The following C10orf120 variants were observed in gnomAD, a reference collection of about 807,000 sequenced individuals.
C10orf120 encodes the protein chromosome 10 open reading frame 120.
A neutral mutation model predicts 10.8 loss-of-function variants in C10orf120; 15 were observed. That is an observed-to-expected ratio of 1.39 (90% CI 0.93 to 2.14). The LOEUF (loss-of-function observed/expected upper bound fraction) is 2.14, where lower values mean the gene tolerates loss of function less well. Among genes scored for constraint, C10orf120 ranks in the 30% most tolerant of loss-of-function variants. C10orf120 has a pLI of 0.00. For missense variants in C10orf120, 447 were observed against 411.3 expected, an observed-to-expected ratio of 1.09 and a Z score of -0.75; for synonymous variants, 141 against 138.9, an observed-to-expected ratio of 1.02 and a Z score of -0.11.
intron 1 of C10orf120, 93 bp downstream of exon 1, chr10:122,699,522 C>T (rs1845831488): frequency 3.5e-6 from 5 of 1,440,918 alleles, no homozygotes; most frequent in Non-Finnish European, 1.9e-6. Flanking sequence ...CAGGCTGAGG[C>T]CGCCATGAGC....
chr10:122,698,819 C>A (rs1406292000), intron 2 of C10orf120, among the ~76,000 whole-genome samples: 1 of 152,192 alleles, frequency 6.6e-6, no homozygotes, highest in South Asian at 2.1e-4. Context: ...GTAAGTGGGA[C>A]GTGTCAATAA....
At chr10:122,698,755 C>T (rs1845822979) in intron 2 of C10orf120, among the ~76,000 whole-genome samples, 1 of 152,134 alleles carries the variant, frequency 6.6e-6, no homozygotes, top group Non-Finnish European at 1.5e-5. Context: ...GTGACCAGTG[C>T]AAGGTAGGAG....
In C10orf120 at chr10:122,699,335, A is replaced by G; in HGVS notation, c.252+2T>C. ...TCCGTGTGAAAACTGCGGGACACTT[A>G]CTAGGATCTCTTTTTCCAAGGGGGA... On this transcript the variant is annotated splice_donor_variant, in intron 2 of 2. Transcript: ENST00000329446. LOFTEE classifies it high-confidence loss of function. The G allele has an allele frequency of 1.2e-6, 2 of 1,609,748 alleles. No homozygotes were observed. Among genetic ancestry groups the G allele is most frequent in the Non-Finnish European group, 8.5e-7 (1 of 1,176,334 alleles).
chr10:122,699,616 G>T lies in C10orf120; in HGVS notation c.175C>A (p.Arg59=), dbSNP rs76198528. Residue 59 remains arginine (R), a splice_region_variant and synonymous_variant, in exon 1 of 3, where the codon CGG becomes AGG. Coordinates refer to ENST00000329446, the MANE Select transcript of C10orf120 (RefSeq NM_001010912.4). ...GACTAAAGTGCAAGTCAGACTCACC[G>T]CAACGGTGAAGCAGAACTCAGATCC... ...QEDLSSASPL[R]IWSKFYRSDP... is the part of the protein sequence containing the mutation. 1.9e-6 allele frequency: 3 copies of T among 1,604,644 alleles called. No homozygotes were observed. Among genetic ancestry groups the T allele is most frequent in the South Asian group, 1.1e-5 (1 of 89,010 alleles).
Position 122,699,467 on chromosome 10 carries a change from C to T in C10orf120, c.177-55G>A. ...TTCTGGAAAGGCTCTTCCTACTTTT[C>T]CCTCCTGGAGTGGGAAGGCTCATAA... is the stretch of plus-strand genomic sequence containing the variant. On this transcript the variant is annotated intron_variant, in intron 1 of 2. Transcript: ENST00000329446. 2.0e-6 allele frequency: 3 copies of T among 1,525,022 alleles called. No individual in the cohort carries two copies. In the South Asian group the frequency reaches 3.4e-5, roughly 17 times the overall value. The allele number at this position is 1,525,022 out of a possible 1,614,324, so 94.5% of individuals were successfully genotyped here. A position where few individuals can be genotyped will look rare whatever the true frequency, so the allele number is the denominator to read the frequency against.
At chr10:122,699,438 A>G in intron 1 of C10orf120, 26 bp from the exon 2 acceptor site, 1 of 1,585,112 alleles carries the variant, frequency 6.3e-7, no homozygotes, top group Non-Finnish European at 8.7e-7. Context: ...CAGGAATATC[A>G]GAATTCTGGA....
intron 2 of C10orf120, among the ~76,000 whole-genome samples, 197 bp downstream of exon 2, chr10:122,699,140 C>CAAAAA (rs67633673): frequency 0.052 from 1,145 of 21,820 alleles, 257 homozygotes; most frequent in Middle Eastern, 0.17. Context: ...GACTCCGTCT[C>CAAAAA]AAAAAAAAAA....
Position 122,698,200 on chromosome 10 carries a change from G to A in C10orf120, c.541C>T (p.Gln181Ter), listed in dbSNP as rs1208575235. 2 of 1,613,712 alleles carry A rather than the reference G, an allele frequency of 1.2e-6. No individual in the cohort carries two copies. The highest frequency in any genetic ancestry group is 1.3e-5 in the African/African-American group (1 of 74,976). The change falls in exon 3 of 3, where the codon CAG (glutamine) becomes TAG (stop). Residue 181 changes from glutamine to a stop codon, truncating the protein, a stop_gained. Transcript: ENST00000329446. LOFTEE classifies it low-confidence loss of function (END_TRUNC). ...AACCTTTCAATGTAGGGTAAAGGCT[G>A]ATGATTTCCCAGAGCCCGAGCAAGC... ...MRLARALGNH[Q>*]PLPYIERFTR...
intron 2 of C10orf120, among the ~76,000 whole-genome samples, 197 bp downstream of exon 2, chr10:122,699,140 C>CAAAAAAAAAAAAAA (rs67633673): frequency 4.6e-5 from 1 of 21,830 alleles, no homozygotes; most frequent in African/African-American, 1.6e-4. Context: ...GACTCCGTCT[C>CAAAAAAAAAAAAAA]AAAAAAAAAA....
chr10:122,699,734 G>T lies in C10orf120; in HGVS notation c.57C>A (p.Asp19Glu), dbSNP rs1443681911. ...CQRIEKQRAS[D>E]TMVQERKNEK... ...CATTCTTCCTTTCTTGCACCATTGT[G>T]TCACTAGCCCTCTGTTTTTCAATCC... The change falls in exon 1 of 3, where the codon GAC becomes GAA. Residue 19 changes from aspartate to glutamate, a missense_variant. Physicochemically the swap from Asp to Glu is conservative, Grantham distance 45. Transcript: ENST00000329446. 1.9e-6 allele frequency: 3 copies of T among 1,613,924 alleles called. No individual in the cohort carries two copies. The East Asian group carries it at 6.7e-5, about 36-fold the overall frequency.
chr10:122,698,897 C>A (rs1292376655), intron 2 of C10orf120, among the ~76,000 whole-genome samples: 1 of 151,030 alleles, frequency 6.6e-6, no homozygotes, highest in Admixed American at 6.6e-5. Flanking sequence ...GAGGCCGAGG[C>A]GGGTGGATCA....
chr10:122,698,607 T>C, intron 2 of C10orf120, 119 bp from the exon 3 acceptor site: 1 of 892,694 alleles, frequency 1.1e-6, no homozygotes, highest in Non-Finnish European at 1.7e-6. Context: ...CTCTCTGTAG[T>C]GGAAAACAGG....
Position 122,697,925 on chromosome 10 carries a change from C to A in C10orf120, c.816G>T (p.Pro272=), listed in dbSNP as rs761907188. ...DRKSFLPAKK[P]ERSIAGLTNR... is the part of the protein sequence containing the mutation. ...TTGTTAGGCCTGCGATGGACCGTTC[C>A]GGTTTCTTTGCGGGGAGGAATGATT... The change falls in exon 3 of 3, where the codon CCG becomes CCT. Residue 272 remains proline (P), a synonymous_variant. Transcript: ENST00000329446. The A allele has an allele frequency of 1.2e-6, 2 of 1,614,054 alleles. No homozygotes were observed. The highest frequency in any genetic ancestry group is 1.1e-5 in the South Asian group (1 of 91,042).
chr10:122,698,480 A>T lies in C10orf120; in HGVS notation c.261T>A (p.Gly87=). ...TTCTTGCTGCTATGGTGTGAATGCC[A>T]CCTAGACGCTGACAATGGAGAAAGG... The part of the protein sequence containing the change: ...SPLEKEILRL[G]GIHTIAARRL... The change falls in exon 3 of 3, where the codon GGT becomes GGA. Residue 87 remains glycine, a synonymous_variant. Coordinates refer to ENST00000329446, the MANE Select transcript of C10orf120 (RefSeq NM_001010912.4). 1 of 1,614,104 alleles carries T rather than the reference A, an allele frequency of 6.2e-7. No individual in the cohort carries two copies. The highest frequency in any genetic ancestry group is 8.5e-7 in the Non-Finnish European group (1 of 1,180,024).
intron 2 of C10orf120, among the ~76,000 whole-genome samples, chr10:122,698,738 T>C (rs1845822870): frequency 6.6e-6 from 1 of 152,198 alleles, no homozygotes; most frequent in African/African-American, 2.4e-5. Flanking sequence ...AGACAACATA[T>C]ACGAAAGTGA....
intron 2 of C10orf120, among the ~76,000 whole-genome samples, chr10:122,698,746 T>C (rs1016912596): frequency 6.6e-6 from 1 of 152,198 alleles, no homozygotes; most frequent in African/African-American, 2.4e-5. Context: ...TATACGAAAG[T>C]GACCAGTGCA....
In C10orf120 at chr10:122,698,232, C is replaced by A. The variant is rs1845814286; in HGVS notation, c.509G>T (p.Arg170Met). ...EQVNVSKHIERMRLARALGNH... is the reference protein window; with the variant it reads ...EQVNVSKHIEMMRLARALGNH... ...TCCCAGAGCCCGAGCAAGCCTCATC[C>A]TCTCTATGTGCTTACTGACGTTCAC... The change falls in exon 3 of 3, where the codon AGG becomes ATG. Residue 170 changes from arginine to methionine, a missense_variant. Arg to Met is a moderately conservative substitution (Grantham distance 91). Coordinates refer to ENST00000329446, the MANE Select transcript of C10orf120 (RefSeq NM_001010912.4). The A allele has an allele frequency of 1.9e-6, 3 of 1,614,006 alleles. No homozygotes were observed. Among genetic ancestry groups the A allele is most frequent in the Non-Finnish European group, 2.5e-6 (3 of 1,180,030 alleles).
chr10:122,699,164 A>C (rs925711575), intron 2 of C10orf120, among the ~76,000 whole-genome samples, 173 bp downstream of exon 2: 15 of 150,272 alleles, frequency 1.0e-4, no homozygotes, highest in Admixed American at 9.9e-4. Flanking sequence ...AAAAAAAAAA[A>C]AAAAAGAGTA....
Position 122,699,389 on chromosome 10 carries a change from G to C in C10orf120, c.200C>G (p.Ser67Ter). The stretch of plus-strand genomic sequence containing the variant: ...TTTCCCAAGGGCAATCCGTGGGTCT[G>C]ATCTGTAGAATTTGCTCCATATCCT... ...PLRIWSKFYRSDPRIALGKYS... is the reference protein window; with the variant it reads ...PLRIWSKFYR Residue 67 changes from serine to a stop codon, truncating the protein, a stop_gained, in exon 2 of 3, where the codon TCA (serine) becomes TGA (stop). Coordinates refer to ENST00000329446, the MANE Select transcript of C10orf120 (RefSeq NM_001010912.4). LOFTEE classifies it high-confidence loss of function. 3 of 1,613,032 alleles carry C rather than the reference G, an allele frequency of 1.9e-6. No individual in the cohort carries two copies. In the South Asian group the frequency reaches 3.3e-5, roughly 18 times the overall value.
Sources: gnomAD v4.1 joint callset for allele counts (sites outside exome capture counted in the v4.1 genomes callset) on GRCh38, gnomAD v4.1.1 for gene constraint, MANE v1.5 for transcripts, NCBI Gene and HGNC (gene_info 2026-07-23, HGNC 2026-07-21) for gene names.